The following CCSER2 variants were observed in gnomAD, a reference collection of about 807,000 sequenced individuals.
CCSER2 encodes the protein coiled-coil serine rich protein 2.
CCSER2 carries 46 observed loss-of-function variants against 92.3 expected under a neutral mutation model. The observed-to-expected ratio is 0.50, with a 90% CI of 0.39 to 0.64. CCSER2 has a LOEUF of 0.64. Ranked by LOEUF, CCSER2 falls within the 30% of genes least tolerant of loss-of-function variation. The pLI, the probability that CCSER2 is intolerant of heterozygous loss-of-function variation, is 0.00. For synonymous variants in CCSER2, 433 were observed against 431.4 expected (o/e 1.00, Z -0.04); for missense variants, 1,244 against 1,238.9 (o/e 1.00, Z -0.06).
chr10:84,332,433 TA>T (rs1438897692), intron 1 of CCSER2, among the ~76,000 whole-genome samples: 2,534 of 54,244 alleles, frequency 0.047, 155 homozygotes, highest in African/African-American at 0.14. Flanking sequence ...TATATATATA[TA>T]TATTTTTTTT....
rs1395077051 is a variant in CCSER2 at position 84,513,915 on chromosome 10, T to C, written c.2792T>C (p.Leu931Ser). The part of the protein sequence containing the change: ...QLLKPSILSS[L>S]VPPPVSESSP... Reference sequence around the variant, plus strand: ...TTAAAGCCATCCATATTGAGTTCTTTGGTACCGCCTCCAGTTTCTGAATCA... The same window carrying C: ...TTAAAGCCATCCATATTGAGTTCTTCGGTACCGCCTCCAGTTTCTGAATCA... The change falls in exon 10 of 10, where the codon TTG becomes TCG. Residue 931 changes from leucine (L) to serine (S), a missense_variant. Physicochemically the swap from Leu to Ser is moderately radical, Grantham distance 145 (BLOSUM62 -2). Coordinates refer to ENST00000372088, the MANE Select transcript of CCSER2 (RefSeq NM_001284240.2). 4.6e-6 allele frequency: 7 copies of C among 1,536,470 alleles called. No homozygotes were observed. The highest frequency in any genetic ancestry group is 1.4e-5 in the African/African-American group (1 of 73,040).
intron 3 of CCSER2, among the ~76,000 whole-genome samples, chr10:84,407,376 T>C (rs1159853900): frequency 6.6e-6 from 1 of 152,238 alleles, no homozygotes; most frequent in Non-Finnish European, 1.5e-5. Context: ...TTGTTTAATC[T>C]TTTCCAGCTT....
intron 1 of CCSER2, among the ~76,000 whole-genome samples, chr10:84,368,553 G>A (rs1845903043): frequency 6.6e-6 from 1 of 152,052 alleles, no homozygotes; most frequent in Non-Finnish European, 1.5e-5. Flanking sequence ...GGCCAGGGTT[G>A]ACTTGGAATC....
At chr10:84,436,837 C>A (rs1250724289) in intron 5 of CCSER2, among the ~76,000 whole-genome samples, 12 of 152,034 alleles carry the variant, frequency 7.9e-5, no homozygotes, top group Admixed American at 7.9e-4. Context: ...GAAAAATAAT[C>A]TTGTAAAAAT....
chr10:84,476,068 C>T (rs906893061), intron 8 of CCSER2, among the ~76,000 whole-genome samples: 6 of 151,972 alleles, frequency 3.9e-5, no homozygotes, highest in African/African-American at 1.5e-4. Flanking sequence ...ACCCCTGGGC[C>T]CAAGCAATCC....
intron 1 of CCSER2, among the ~76,000 whole-genome samples, chr10:84,348,453 A>C (rs990962669): frequency 7.0e-6 from 1 of 143,814 alleles, no homozygotes; most frequent in African/African-American, 2.6e-5. Context: ...AAAGAGAGGG[A>C]GAGGGAGACC....
At chr10:84,449,333 C>T (rs1170351242) in intron 6 of CCSER2, among the ~76,000 whole-genome samples, 1 of 152,042 alleles carries the variant, frequency 6.6e-6, no homozygotes, top group Non-Finnish European at 1.5e-5. Flanking sequence ...TGAGATCATA[C>T]CAGTGCACTC....
intron 1 of CCSER2, among the ~76,000 whole-genome samples, chr10:84,353,167 G>A (rs1844959602): frequency 6.6e-6 from 1 of 152,114 alleles, no homozygotes; most frequent in Non-Finnish European, 1.5e-5. Context: ...TATCGTTAAG[G>A]GCCCTGACAG....
chr10:84,420,503 T>TA (rs1408347346), intron 4 of CCSER2, among the ~76,000 whole-genome samples: 1 of 152,158 alleles, frequency 6.6e-6, no homozygotes, highest in Non-Finnish European at 1.5e-5. Context: ...ACACACCCAT[T>TA]ACAGTTTTTT....
At chr10:84,358,732 C>G (rs941156800) in intron 1 of CCSER2, among the ~76,000 whole-genome samples, 2 of 150,968 alleles carry the variant, frequency 1.3e-5, no homozygotes, top group African/African-American at 4.9e-5. Context: ...TACACAGACA[C>G]GTAATGTGAT....
intron 6 of CCSER2, among the ~76,000 whole-genome samples, chr10:84,460,765 T>G (rs10887301): frequency 0.047 from 7,084 of 152,232 alleles, 238 homozygotes; most frequent in East Asian, 0.16. Context: ...GTGTGTAGAG[T>G]CATTCATATT....
At chr10:84,424,122 A>C in intron 4 of CCSER2, among the ~76,000 whole-genome samples, 1 of 152,022 alleles carries the variant, frequency 6.6e-6, no homozygotes. Context: ...ACTATACTCT[A>C]TCCTGGGTGA....
rs752165991 is a variant in CCSER2 at position 84,371,981 on chromosome 10, C to G, written c.929C>G (p.Thr310Ser). The G allele has an allele frequency of 6.2e-7, 1 of 1,613,730 alleles. No individual in the cohort carries two copies. The highest frequency in any genetic ancestry group is 8.5e-7 in the Non-Finnish European group (1 of 1,179,770). The change falls in exon 2 of 10, where the codon ACT becomes AGT. Residue 310 changes from threonine to serine, a missense_variant. Physicochemically the swap from Thr to Ser is moderately conservative, Grantham distance 58. Coordinates refer to ENST00000372088, the MANE Select transcript of CCSER2 (RefSeq NM_001284240.2). ...GCTTTACCAAATGGCCCAGGTGTAA[C>G]TTCTACTTTAGGTTATAGAATGGTT... ...KLALPNGPGVTSTLGYRMVHP... is the reference protein window; with the variant it reads ...KLALPNGPGVSSTLGYRMVHP...
chr10:84,513,578 C>T lies in CCSER2; in HGVS notation c.2455C>T (p.His819Tyr). Residue 819 changes from histidine (H) to tyrosine (Y), a missense_variant, in exon 10 of 10, where the codon CAT becomes TAT. His to Tyr is a moderately conservative substitution (Grantham distance 83). Transcript: ENST00000372088. ...CCAAGACATGCATCAGGGCGGTGCA[C>T]ATCCGGAAGAAAGCTTTACACACGT... ...SIQDMHQGGA[H>Y]PEESFTHVLH... is the part of the protein sequence containing the mutation. 6.2e-7 allele frequency: 1 copy of T among 1,613,952 alleles called. No individual in the cohort carries two copies. Among genetic ancestry groups the T allele is most frequent in the Non-Finnish European group, 8.5e-7 (1 of 1,179,986 alleles).
intron 3 of CCSER2, among the ~76,000 whole-genome samples, chr10:84,402,813 G>A (rs537244034): frequency 6.6e-6 from 1 of 152,222 alleles, no homozygotes; most frequent in South Asian, 2.1e-4. Context: ...GAGAAAGAAA[G>A]AAAAGGGATT....
At chr10:84,330,385 T>C (rs1843496050) in intron 1 of CCSER2, among the ~76,000 whole-genome samples, 1 of 152,200 alleles carries the variant, frequency 6.6e-6, no homozygotes, top group African/African-American at 2.4e-5. Context: ...CTTACGAAAG[T>C]AGCACTTCTG....
chr10:84,494,651 A>G (rs766950312), intron 9 of CCSER2, among the ~76,000 whole-genome samples: 7 of 152,184 alleles, frequency 4.6e-5, no homozygotes, highest in Non-Finnish European at 1.0e-4. Flanking sequence ...CTTTGGCTTA[A>G]TAGGGGTGAT....
At chr10:84,506,736 A>C (rs950892237) in intron 9 of CCSER2, among the ~76,000 whole-genome samples, 1 of 152,128 alleles carries the variant, frequency 6.6e-6, no homozygotes, top group African/African-American at 2.4e-5. Context: ...TGGAGGCTGC[A>C]TTGAGCCAAG....
At chr10:84,357,525 C>T (rs1296877763) in intron 1 of CCSER2, among the ~76,000 whole-genome samples, 1 of 148,706 alleles carries the variant, frequency 6.7e-6, no homozygotes, top group African/African-American at 2.5e-5. Context: ...TCTCGGCTCA[C>T]TGCAAGCTCT....
Sources: gnomAD v4.1 joint callset for allele counts (sites outside exome capture counted in the v4.1 genomes callset) on GRCh38, gnomAD v4.1.1 for gene constraint, MANE v1.5 for transcripts, NCBI Gene and HGNC (gene_info 2026-07-23, HGNC 2026-07-21) for gene names.